Variants in PDE9A observed in about 807,000 individuals in gnomAD.
PDE9A encodes phosphodiesterase 9A, also known as high affinity cGMP-specific 3',5'-cyclic phosphodiesterase 9A.
PDE9A carries 60 observed loss-of-function variants against 87.4 expected under a neutral mutation model. The ratio of observed to expected loss-of-function variants is 0.69; its 90% CI spans 0.56 to 0.85. The LOEUF (loss-of-function observed/expected upper bound fraction) is 0.85. Among genes scored for constraint, PDE9A ranks in the 40% least tolerant of loss-of-function variants. The pLI, the probability that PDE9A is intolerant of heterozygous loss-of-function variation, is 0.00. For missense variants in PDE9A, 665 were observed against 779.0 expected, an observed-to-expected ratio of 0.85 and a Z score of 1.74; for synonymous variants, 272 against 279.4, an observed-to-expected ratio of 0.97 and a Z score of 0.27.
At chr21:42,664,554 G>A (rs768513915) in intron 1 of PDE9A, among the ~76,000 whole-genome samples, 26 of 152,300 alleles carry the variant, frequency 1.7e-4, no homozygotes, top group Admixed American at 2.0e-4. Context: ...CTGGACCAGC[G>A]CAAGGCCCCG....
intron 4 of PDE9A, among the ~76,000 whole-genome samples, chr21:42,710,479 A>G (rs1462399739): frequency 6.6e-6 from 1 of 151,948 alleles, no homozygotes; most frequent in Non-Finnish European, 1.5e-5. Context: ...ACCATTCCAC[A>G]TTCCCACCAG....
intron 8 of PDE9A, among the ~76,000 whole-genome samples, chr21:42,747,668 G>A (rs2054007220): frequency 6.6e-6 from 1 of 152,254 alleles, no homozygotes; most frequent in South Asian, 2.1e-4. Flanking sequence ...TTACATTTAG[G>A]GCAGGGGCAG....
chr21:42,760,734 C>A lies in PDE9A; in HGVS notation c.1003-91C>A. The A allele has an allele frequency of 1.3e-6, 1 of 788,694 alleles. No individual in the cohort carries two copies. Among genetic ancestry groups the A allele is most frequent in the Non-Finnish European group, 2.2e-6 (1 of 448,518 alleles). The allele number at this position is 788,694 out of a possible 1,614,324, so 48.9% of individuals were successfully genotyped here. On this transcript the variant is annotated intron_variant, in intron 12 of 19. Transcript: ENST00000291539. This position sits in a 1 kb window ranked among gnomAD's most constrained non-coding sequence, Gnocchi z 5.2. ...GATGGCTGCAGGGGCCTTTGTCCCC[C>A]GCTTACCACTCACCCAATTCCACCC...
intron 15 of PDE9A, among the ~76,000 whole-genome samples, chr21:42,767,387 C>T (rs992798340): frequency 1.3e-5 from 2 of 152,052 alleles, no homozygotes; most frequent in East Asian, 3.9e-4. Context: ...GATCTGGAGC[C>T]GGACTCCACA....
At chr21:42,764,835 CA>C (rs960498276) in intron 14 of PDE9A, among the ~76,000 whole-genome samples, 12 of 152,160 alleles carry the variant, frequency 7.9e-5, no homozygotes, top group African/African-American at 2.4e-4. Flanking sequence ...GTGATCCCCC[CA>C]AAAAAATATA....
At chr21:42,768,393 CCCCGGGCTGCCG>C (rs1198034791) in intron 16 of PDE9A, 101 bp downstream of exon 16, 4 of 1,025,154 alleles carry the variant, frequency 3.9e-6, no homozygotes, top group African/African-American at 1.6e-5. Flanking sequence ...CCCGCATATT[CCCCGGGCTGCCG>C]ACAGTTCAGC....
intron 4 of PDE9A, chr21:42,724,442 A>AATG (rs1458399414): frequency 5.4e-6 from 1 of 183,666 alleles, no homozygotes; most frequent in Admixed American, 6.5e-5. Flanking sequence ...CAGGAATTCC[A>AATG]ATGATTCTAG....
chr21:42,670,202 C>A, intron 1 of PDE9A, among the ~76,000 whole-genome samples: 1 of 130,998 alleles, frequency 7.6e-6, no homozygotes, highest in African/African-American at 4.4e-5. Context: ...CATTCACACA[C>A]ATACACTTAC....
rs1338773085 is a variant in PDE9A, at chr21:42,705,530, G to A, written c.262+6519G>A. Among the ~76,000 whole-genome samples the A allele has an allele frequency of 6.6e-6, 1 of 152,158 alleles. No homozygotes were observed. The highest frequency in any genetic ancestry group is 2.4e-5 in the African/African-American group (1 of 41,436). On this transcript the variant is annotated intron_variant, in intron 4 of 19. Transcript: ENST00000291539. This position sits in a 1 kb window ranked among gnomAD's most constrained non-coding sequence, Gnocchi z 4.3. ...GGAAAAGGACAGGGCCTCCCTCAGCGTGGCAGATCGCGTGGGTCCATGGGT... is the reference window on the plus strand; with the variant it reads ...GGAAAAGGACAGGGCCTCCCTCAGCATGGCAGATCGCGTGGGTCCATGGGT...
At chr21:42,668,705 G>C (rs576543160) in intron 1 of PDE9A, among the ~76,000 whole-genome samples, 1 of 152,220 alleles carries the variant, frequency 6.6e-6, no homozygotes, top group South Asian at 2.1e-4. Context: ...TGACAAATGA[G>C]CCCTGTGCGG....
intron 1 of PDE9A, among the ~76,000 whole-genome samples, chr21:42,656,905 T>G (rs1051177731): frequency 2.4e-4 from 36 of 152,344 alleles, no homozygotes; most frequent in African/African-American, 8.4e-4. Flanking sequence ...TGCTAATAAT[T>G]AAATGGGATA....
At chr21:42,706,411 G>A (rs1324259221) in intron 4 of PDE9A, among the ~76,000 whole-genome samples, 1 of 152,208 alleles carries the variant, frequency 6.6e-6, no homozygotes, top group Non-Finnish European at 1.5e-5. Context: ...CTGGGAGGCT[G>A]AGGCGGGCAG....
intron 4 of PDE9A, among the ~76,000 whole-genome samples, chr21:42,718,066 G>A (rs1222606668): frequency 1.3e-5 from 2 of 150,626 alleles, no homozygotes; most frequent in Non-Finnish European, 3.0e-5. Flanking sequence ...CCGCCACCAC[G>A]CCCAACTAAT....
At chr21:42,767,561 C>A (rs1191206472) in intron 15 of PDE9A, among the ~76,000 whole-genome samples, 2 of 152,224 alleles carry the variant, frequency 1.3e-5, no homozygotes, top group Non-Finnish European at 2.9e-5. Flanking sequence ...CTCACCTAGT[C>A]ACGTTCCCCA....
intron 4 of PDE9A, among the ~76,000 whole-genome samples, chr21:42,714,333 G>T (rs6586341): frequency 6.6e-6 from 1 of 151,920 alleles, no homozygotes; most frequent in Admixed American, 6.6e-5. Flanking sequence ...TTTATTTTAC[G>T]TACAGATCTA....
At position 42,692,507 on chromosome 21, in the gene PDE9A, C is replaced by A. The variant is rs561202649; in HGVS notation, c.218+4513C>A. ...CCCCCAATCTTCCAACCTAGTAGTT[C>A]TCAGACAACTGCGTCAGAATCCGCA... On this transcript the variant is annotated intron_variant, in intron 3 of 19. Transcript: ENST00000291539. The surrounding 1 kb of genome is among the most constrained non-coding windows in gnomAD (Gnocchi z 4.3). 6.6e-6 allele frequency among the ~76,000 whole-genome samples: 1 copy of A among 152,168 alleles called. No individual in the cohort carries two copies. The highest frequency in any genetic ancestry group is 1.9e-4 in the East Asian group (1 of 5,180).
At chr21:42,665,568 G>T (rs966052087) in intron 1 of PDE9A, among the ~76,000 whole-genome samples, 5 of 152,102 alleles carry the variant, frequency 3.3e-5, no homozygotes, top group African/African-American at 1.2e-4. Context: ...CTCCAGCCTT[G>T]GTGGCCACCC....
At chr21:42,697,281 A>G (rs2060193676) in intron 3 of PDE9A, 1 of 657,236 alleles carries the variant, frequency 1.5e-6, no homozygotes, top group Non-Finnish European at 2.7e-6. Context: ...ATTTTTTCAC[A>G]TTATTGGTGT....
chr21:42,750,532 T>TTTTTTAGAAGGTTA (rs60562125), intron 8 of PDE9A, among the ~76,000 whole-genome samples: 1 of 150,484 alleles, frequency 6.6e-6, no homozygotes, highest in Non-Finnish European at 1.5e-5. Flanking sequence ...TGAAAACAGC[T>TTTTTTAGAAGGTTA]TCTAAAAGAG....
Sources: allele counts gnomAD v4.1 joint callset (sites outside exome capture counted in the v4.1 genomes callset), GRCh38; gene constraint gnomAD v4.1.1; non-coding constraint Gnocchi (gnomAD v3.1); transcripts MANE v1.5; gene names NCBI Gene and HGNC (gene_info 2026-07-23, HGNC 2026-07-21).